NBEA: variants seen among roughly 807,000 people sequenced by gnomAD.
NBEA encodes the protein lysosomal-trafficking regulator 2.
Under a neutral mutation model 343.4 loss-of-function variants are expected in NBEA, and 44 were observed. The ratio of observed to expected loss-of-function variants is 0.13; its 90% CI spans 0.10 to 0.16. The LOEUF is 0.16. Ranked by LOEUF, NBEA falls within the 10% of genes least tolerant of loss-of-function variation. NBEA has a pLI of 1.00. For missense variants in NBEA, 2,555 were observed against 3,631.3 expected (o/e 0.70, Z 7.62); for synonymous variants, 1,175 against 1,238.7 (o/e 0.95, Z 1.08).
chr13:35,649,148 G>A (rs1209296046), intron 51 of NBEA, among the ~76,000 whole-genome samples: 1 of 152,302 alleles, frequency 6.6e-6, no homozygotes, highest in East Asian at 1.9e-4. Flanking sequence ...GAACTGCCAG[G>A]GAAGCGCTCG....
chr13:35,441,841 AAAAAAAG>A (rs1164081729), intron 39 of NBEA, among the ~76,000 whole-genome samples: 1 of 151,776 alleles, frequency 6.6e-6, no homozygotes, highest in African/African-American at 2.4e-5. Flanking sequence ...GAAAAAAAAA[AAAAAAAG>A]AAGACACTGA....
At chr13:35,533,934 G>T (rs1301995223) in intron 41 of NBEA, among the ~76,000 whole-genome samples, 1 of 152,004 alleles carries the variant, frequency 6.6e-6, no homozygotes, top group African/African-American at 2.4e-5. Flanking sequence ...ATAATATTAG[G>T]TTTATTTATG....
chr13:35,380,166 C>T (rs899572496), intron 38 of NBEA, among the ~76,000 whole-genome samples: 2 of 151,936 alleles, frequency 1.3e-5, no homozygotes, highest in South Asian at 2.1e-4. Flanking sequence ...TAGTTTTGGC[C>T]GGGCACGGTG....
At chr13:35,253,144 A>G (rs1236185018) in intron 34 of NBEA, among the ~76,000 whole-genome samples, 2 of 152,338 alleles carry the variant, frequency 1.3e-5, no homozygotes, top group Non-Finnish European at 2.9e-5. Flanking sequence ...ACTGCTGTCA[A>G]TAAATGACAC....
At chr13:35,291,465 C>T (rs1377279542) in intron 35 of NBEA, among the ~76,000 whole-genome samples, 2 of 151,820 alleles carry the variant, frequency 1.3e-5, no homozygotes, top group Non-Finnish European at 2.9e-5. Context: ...CCATTTTCCT[C>T]TTTATAGCCA....
chr13:35,476,408 C>T, intron 41 of NBEA: 6 of 1,013,214 alleles, frequency 5.9e-6, no homozygotes, highest in Non-Finnish European at 9.1e-6. Flanking sequence ...AAAGACTGTC[C>T]TCCCCCCTCT....
intron 1 of NBEA, among the ~76,000 whole-genome samples, chr13:34,971,325 G>A (rs2059990780): frequency 6.6e-6 from 1 of 151,952 alleles, no homozygotes; most frequent in Non-Finnish European, 1.5e-5. Flanking sequence ...TGGCAAACAG[G>A]GTTAGTTTGA....
chr13:35,178,555 G>T (rs775948848), intron 28 of NBEA, among the ~76,000 whole-genome samples: 28 of 151,518 alleles, frequency 1.8e-4, no homozygotes, highest in Admixed American at 3.3e-4. Flanking sequence ...TATACTGATT[G>T]TATGTACATA....
chr13:35,063,312 T>C (rs1258590565), intron 8 of NBEA, among the ~76,000 whole-genome samples: 1 of 151,902 alleles, frequency 6.6e-6, no homozygotes, highest in African/African-American at 2.4e-5. Flanking sequence ...TGGGAGAAGA[T>C]AGATTACAAA....
chr13:35,660,862 A>G (rs965813782), intron 55 of NBEA, among the ~76,000 whole-genome samples: 1 of 152,256 alleles, frequency 6.6e-6, no homozygotes, highest in Non-Finnish European at 1.5e-5. Flanking sequence ...AGGATTTAGC[A>G]TATGTTAAAC....
intron 1 of NBEA, among the ~76,000 whole-genome samples, chr13:34,966,859 A>G (rs924259468): frequency 2.0e-5 from 3 of 151,844 alleles, no homozygotes; most frequent in African/African-American, 7.3e-5. Flanking sequence ...TGAGGTTTGC[A>G]TATTCATGAA....
At chr13:35,353,062 T>C (rs1190007962) in intron 38 of NBEA, among the ~76,000 whole-genome samples, 2 of 152,186 alleles carry the variant, frequency 1.3e-5, no homozygotes, top group African/African-American at 4.8e-5. Flanking sequence ...AGTCTGTGTT[T>C]GGCAGAGTTT....
At chr13:35,058,900 G>C in intron 8 of NBEA, 37 bp downstream of exon 8, 1 of 1,492,476 alleles carries the variant, frequency 6.7e-7, no homozygotes, top group East Asian at 2.4e-5. Context: ...TCTATGGAGA[G>C]TTTTAGATGT....
At chr13:35,062,121 T>C (rs941185690) in intron 8 of NBEA, among the ~76,000 whole-genome samples, 1 of 151,710 alleles carries the variant, frequency 6.6e-6, no homozygotes, top group African/African-American at 2.4e-5. Flanking sequence ...AGGTCTATTA[T>C]AACTAGTGAG....
At chr13:35,240,758 A>T (rs1176719227) in intron 34 of NBEA, among the ~76,000 whole-genome samples, 2 of 151,940 alleles carry the variant, frequency 1.3e-5, no homozygotes, top group African/African-American at 4.8e-5. Context: ...TTATCATAAA[A>T]ATCAGAATAA....
chr13:35,136,236 C>A (rs2067720833), intron 17 of NBEA, among the ~76,000 whole-genome samples: 1 of 152,142 alleles, frequency 6.6e-6, no homozygotes, highest in African/African-American at 2.4e-5. Context: ...CAACGGAATT[C>A]CTAGATTTCT....
In NBEA at chr13:34,942,952, G is replaced by C; in HGVS notation, c.132G>C (p.Glu44Asp). 1.9e-6 allele frequency: 3 copies of C among 1,594,846 alleles called. No individual in the cohort carries two copies. The highest frequency in any genetic ancestry group is 8.5e-7 in the Non-Finnish European group (1 of 1,171,320). ...GGGTGGSGMG[E>D]LRGASGSGSV... ...GCACCGGGGGCAGCGGGATGGGGGA[G>C]CTAAGGGGGGCGTCCGGCTCCGGCT... The change falls in exon 1 of 59, where the codon GAG becomes GAC. Residue 44 changes from glutamate to aspartate, a missense_variant. Glu to Asp is a conservative substitution (Grantham distance 45, BLOSUM62 2). This residue lies in a region of NBEA where 122 missense variants were observed against 91.0 expected (regional missense o/e 1.34). Coordinates refer to ENST00000379939, the MANE Select transcript of NBEA (RefSeq NM_001385012.1).
chr13:35,035,222 T>C (rs2062394500), intron 1 of NBEA, among the ~76,000 whole-genome samples: 1 of 151,984 alleles, frequency 6.6e-6, no homozygotes, highest in Admixed American at 6.6e-5. Flanking sequence ...GTTTCTGTTA[T>C]TATTAGTTTG....
At chr13:35,653,328 CTTTTTTTTTTT>C (rs139682136) in intron 53 of NBEA, among the ~76,000 whole-genome samples, 1 of 114,034 alleles carries the variant, frequency 8.8e-6, no homozygotes, top group African/African-American at 3.3e-5. Context: ...TTCTTGGGTT[CTTTTTTTTTTT>C]TTTTTTTTTG....
Sources: allele counts gnomAD v4.1 joint callset (sites outside exome capture counted in the v4.1 genomes callset), GRCh38; gene constraint gnomAD v4.1.1; regional missense constraint gnomAD v4.1.1; transcripts MANE v1.5; gene names NCBI Gene and HGNC (gene_info 2026-07-23, HGNC 2026-07-21).